Variants in CNTNAP2 observed in about 807,000 individuals in gnomAD.
The protein encoded by CNTNAP2 is contactin-associated protein-like 2.
CNTNAP2 carries 98 observed loss-of-function variants against 155.2 expected under a neutral mutation model. That is an observed-to-expected ratio of 0.63 (90% CI 0.54 to 0.75). The LOEUF is 0.75. CNTNAP2 is among the 30% of genes least tolerant of loss of function. CNTNAP2 has a pLI of 0.00. For synonymous variants in CNTNAP2, 651 were observed against 631.2 expected (o/e 1.03, Z -0.47); for missense variants, 1,727 against 1,688.1 (o/e 1.02, Z -0.40).
intron 13 of CNTNAP2, among the ~76,000 whole-genome samples, chr7:147,820,842 A>T (rs879714534): frequency 1.4e-4 from 22 of 152,190 alleles, no homozygotes; most frequent in Admixed American, 2.6e-4. Flanking sequence ...TTATTTCTAG[A>T]TTATCTTTTC....
chr7:147,108,215 A>T lies in CNTNAP2; in HGVS notation c.619A>T (p.Thr207Ser), dbSNP rs1478322716. ...PYRFRNKKMK[T>S]LKDVIALNFK... Reference sequence around the variant, plus strand: ...TAGATTCAGAAACAAGAAGATGAAAACACTGAAAGATGTCATTGCCTTGAA... The same window carrying T: ...TAGATTCAGAAACAAGAAGATGAAATCACTGAAAGATGTCATTGCCTTGAA... The change falls in exon 5 of 24, where the codon ACA becomes TCA. Residue 207 changes from threonine (T) to serine (S), a missense_variant. Thr to Ser is a moderately conservative substitution (Grantham distance 58, BLOSUM62 1). Transcript: ENST00000361727. 1 of 1,613,662 alleles carries T rather than the reference A, an allele frequency of 6.2e-7. No individual in the cohort carries two copies. The highest frequency in any genetic ancestry group is 8.5e-7 in the Non-Finnish European group (1 of 1,179,824).
intron 10 of CNTNAP2, among the ~76,000 whole-genome samples, chr7:147,445,801 T>C (rs977139721): frequency 3.1e-4 from 47 of 152,120 alleles, no homozygotes; most frequent in African/African-American, 1.0e-3. Flanking sequence ...TTCTCTTTCT[T>C]CTTTCTTTTT....
At chr7:147,930,581 C>T (rs1202356321) in intron 14 of CNTNAP2, among the ~76,000 whole-genome samples, 1 of 152,098 alleles carries the variant, frequency 6.6e-6, no homozygotes, top group Non-Finnish European at 1.5e-5. Context: ...ATATATGAAG[C>T]AAACACTGAT....
At chr7:147,125,612 A>T (rs1274120296) in intron 6 of CNTNAP2, among the ~76,000 whole-genome samples, 1 of 152,214 alleles carries the variant, frequency 6.6e-6, no homozygotes, top group African/African-American at 2.4e-5. Context: ...CTGCTAGGGA[A>T]GTAGAGGAAT....
chr7:148,173,959 C>T (rs1240640903), intron 18 of CNTNAP2, among the ~76,000 whole-genome samples: 1 of 152,182 alleles, frequency 6.6e-6, no homozygotes, highest in Admixed American at 6.5e-5. Context: ...CACGCAAAAC[C>T]TCTGGAGATT....
chr7:146,734,794 C>G (rs1801583554), intron 1 of CNTNAP2, among the ~76,000 whole-genome samples: 1 of 152,124 alleles, frequency 6.6e-6, no homozygotes, highest in Non-Finnish European at 1.5e-5. Context: ...CTAAAATATG[C>G]ATAATATCCT....
intron 11 of CNTNAP2, among the ~76,000 whole-genome samples, chr7:147,533,669 G>C (rs568935570): frequency 7.9e-5 from 12 of 151,062 alleles, no homozygotes; most frequent in Non-Finnish European, 1.8e-4. Context: ...TACTCAGGAG[G>C]CTGAGGCAAG....
At chr7:147,001,681 G>A (rs1798425838) in intron 3 of CNTNAP2, among the ~76,000 whole-genome samples, 1 of 151,616 alleles carries the variant, frequency 6.6e-6, no homozygotes. Flanking sequence ...CCTCTAGTTA[G>A]AGGACTCTAG....
chr7:148,366,339 CATA>C (rs1331969145), intron 21 of CNTNAP2, among the ~76,000 whole-genome samples: 3 of 119,206 alleles, frequency 2.5e-5, no homozygotes, highest in South Asian at 2.9e-4. Context: ...ATCTGTCAAG[CATA>C]ATGTCAGAAT....
intron 1 of CNTNAP2, among the ~76,000 whole-genome samples, chr7:146,668,428 CTGTGTGTGTGTG>C (rs573459590): frequency 8.7e-4 from 100 of 115,570 alleles, no homozygotes; most frequent in African/African-American, 2.8e-3. Context: ...TGTAATTTTC[CTGTGTGTGTGTG>C]TGTGTGTGTG....
chr7:148,032,002 G>A (rs376342094), intron 15 of CNTNAP2, among the ~76,000 whole-genome samples: 1 of 152,086 alleles, frequency 6.6e-6, no homozygotes, highest in African/African-American at 2.4e-5. Flanking sequence ...GTTGCAAGTC[G>A]ACAAATCGCC....
chr7:146,922,546 A>T (rs1796525405), intron 3 of CNTNAP2, among the ~76,000 whole-genome samples: 1 of 152,182 alleles, frequency 6.6e-6, no homozygotes, highest in South Asian at 2.1e-4. Flanking sequence ...GAAAACAATG[A>T]TAAATATCCT....
Position 147,969,149 on chromosome 7 carries a change from A to G in CNTNAP2, c.2256-8713A>G, listed in dbSNP as rs13225006. On this transcript the variant is annotated intron_variant, in intron 14 of 23. Transcript: ENST00000361727. ...ACTGAAGCCTCGACTTCCTAGGCTC[A>G]AGCAATCCTCCCACCTCAGCCTCTT... is the stretch of plus-strand genomic sequence containing the variant. Among the ~76,000 whole-genome samples the G allele has an allele frequency of 4.6e-3, 707 of 152,228 alleles. 2 individuals carry two copies. Among genetic ancestry groups the G allele is most frequent in the South Asian group, 0.011 (52 of 4,828 alleles).
At chr7:148,170,397 A>G (rs1010098072) in intron 17 of CNTNAP2, among the ~76,000 whole-genome samples, 1 of 152,242 alleles carries the variant, frequency 6.6e-6, no homozygotes, top group African/African-American at 2.4e-5. Flanking sequence ...TCTAACACAC[A>G]AGGTGTAACT....
intron 20 of CNTNAP2, among the ~76,000 whole-genome samples, chr7:148,247,164 G>A (rs933895368): frequency 2.0e-5 from 3 of 152,076 alleles, no homozygotes; most frequent in African/African-American, 7.2e-5. Flanking sequence ...GAATCAGATT[G>A]GTCCTTATTG....
intron 21 of CNTNAP2, among the ~76,000 whole-genome samples, chr7:148,335,559 C>T (rs944991036): frequency 6.6e-6 from 1 of 152,170 alleles, no homozygotes; most frequent in Non-Finnish European, 1.5e-5. Context: ...ATCAGATATA[C>T]ACCTAGCTTA....
chr7:147,194,321 C>T (rs554752228), intron 8 of CNTNAP2, among the ~76,000 whole-genome samples: 11 of 152,208 alleles, frequency 7.2e-5, no homozygotes, highest in African/African-American at 2.2e-4. Context: ...TTTCTTTATC[C>T]AGTCTATCAT....
chr7:148,391,312 G>A (rs972321064), intron 22 of CNTNAP2, among the ~76,000 whole-genome samples: 1 of 147,468 alleles, frequency 6.8e-6, no homozygotes, highest in Non-Finnish European at 1.5e-5. Flanking sequence ...ATTTTCACAT[G>A]ATTGGAGTTT....
chr7:146,250,499 T>C (rs1584827766), intron 1 of CNTNAP2, among the ~76,000 whole-genome samples: 1 of 152,320 alleles, frequency 6.6e-6, no homozygotes, highest in East Asian at 1.9e-4. Context: ...GGTATGGTGG[T>C]GCCTCAGTTA....
Sources: gnomAD v4.1 joint callset for allele counts (sites outside exome capture counted in the v4.1 genomes callset) on GRCh38, gnomAD v4.1.1 for gene constraint, MANE v1.5 for transcripts, NCBI Gene and HGNC (gene_info 2026-07-23, HGNC 2026-07-21) for gene names.